Variants in UHRF1 observed in about 807,000 individuals in gnomAD.
The protein encoded by UHRF1 is E3 ubiquitin-protein ligase UHRF1.
A neutral mutation model predicts 96.5 loss-of-function variants in UHRF1; 9 were observed. That is an observed-to-expected ratio of 0.09 (90% CI 0.06 to 0.16). UHRF1 has a LOEUF of 0.16. Ranked by LOEUF, UHRF1 falls within the 10% of genes least tolerant of loss-of-function variation. UHRF1 has a pLI of 1.00. For missense variants in UHRF1, 626 were observed against 1,131.1 expected, an observed-to-expected ratio of 0.55 and a Z score of 6.40; for synonymous variants, 455 against 469.9, an observed-to-expected ratio of 0.97 and a Z score of 0.41.
Position 4,920,162 on chromosome 19 carries a change from C to T in UHRF1, c.154-9060C>T, listed in dbSNP as rs563449072. ...AAGAATAAAAAGAGGCTGGGCGCAG[C>T]GGCTCATGCTTGTAATTTCAGCACT... On this transcript the variant is annotated intron_variant, in intron 2 of 16. Coordinates refer to ENST00000650932, the MANE Select transcript of UHRF1 (RefSeq NM_001048201.3). Among the ~76,000 whole-genome samples, 3 of 152,272 alleles carry T rather than the reference C, an allele frequency of 2.0e-5. 1 individual carries two copies. The highest frequency in any genetic ancestry group is 7.2e-5 in the African/African-American group (3 of 41,574).
chr19:4,939,359 G>T (rs1334337094), intron 5 of UHRF1, among the ~76,000 whole-genome samples: 1 of 148,652 alleles, frequency 6.7e-6, no homozygotes, highest in African/African-American at 2.5e-5. Context: ...ACTATACCCA[G>T]TCTTAGAATA....
chr19:4,949,879 G>GT lies in UHRF1; in HGVS notation c.1518-724dup, dbSNP rs539369563. Among the ~76,000 whole-genome samples, 606 of 151,234 alleles carry GT rather than the reference G, an allele frequency of 4.0e-3. 2 individuals carry two copies. Among genetic ancestry groups the GT allele is most frequent in the South Asian group, 0.011 (52 of 4,768 alleles). ...TTTATATGTGTGTGTGCTTTGTTTT[G>GT]TTTTTTTTGAGGCAGGGTCTCCCTC... On this transcript the variant is annotated intron_variant, in intron 11 of 16. Coordinates refer to ENST00000650932, the MANE Select transcript of UHRF1 (RefSeq NM_001048201.3).
intron 10 of UHRF1, among the ~76,000 whole-genome samples, chr19:4,946,579 G>T (rs959589262): frequency 1.4e-5 from 2 of 145,440 alleles, no homozygotes; most frequent in Middle Eastern, 3.3e-3. Flanking sequence ...GTTGAGTGTT[G>T]TTTTTTTTTT....
At chr19:4,938,747 TTTTTTTTTTTTTTTG>T in intron 5 of UHRF1, among the ~76,000 whole-genome samples, 1 of 131,468 alleles carries the variant, frequency 7.6e-6, no homozygotes, top group African/African-American at 2.9e-5. Flanking sequence ...TTTTTTTTTT[TTTTTTTTTTTTTTTG>T]AGATAAGGTC....
At chr19:4,918,746 G>A (rs1450907415) in intron 2 of UHRF1, among the ~76,000 whole-genome samples, 3 of 139,942 alleles carry the variant, frequency 2.1e-5, no homozygotes, top group Non-Finnish European at 3.1e-5. Context: ...TTTTAGACAG[G>A]CTCTTGCTCT....
upstream of UHRF1, among the ~76,000 whole-genome samples, chr19:4,908,879 T>C (rs1040807762): frequency 6.6e-6 from 1 of 152,066 alleles, no homozygotes; most frequent in African/African-American, 2.4e-5. Flanking sequence ...GTCACTCCTG[T>C]GCCCGCCAGG....
chr19:4,929,876 C>T (rs1038358614), intron 3 of UHRF1, among the ~76,000 whole-genome samples: 1 of 152,104 alleles, frequency 6.6e-6, no homozygotes, highest in Non-Finnish European at 1.5e-5. Context: ...TCACAGCTCA[C>T]TGTAGCCTCG....
chr19:4,907,726 T>C (rs1420664482), upstream of UHRF1, among the ~76,000 whole-genome samples: 1 of 147,872 alleles, frequency 6.8e-6, no homozygotes, highest in Non-Finnish European at 1.5e-5. Context: ...TTTTTTTTTT[T>C]TTTGAGACTG....
intron 4 of UHRF1, among the ~76,000 whole-genome samples, chr19:4,931,159 G>T (rs1199229643): frequency 6.6e-6 from 1 of 152,130 alleles, no homozygotes; most frequent in Non-Finnish European, 1.5e-5. Flanking sequence ...TTCCGGGTTT[G>T]TCATCTCTCC....
chr19:4,936,427 G>A (rs1266830589), intron 5 of UHRF1, among the ~76,000 whole-genome samples: 1 of 152,140 alleles, frequency 6.6e-6, no homozygotes, highest in Admixed American at 6.6e-5. Context: ...CGCGAGGATG[G>A]GTGGCAGAGA....
At chr19:4,955,255 G>A (rs1035374578) in intron 15 of UHRF1, among the ~76,000 whole-genome samples, 2 of 152,202 alleles carry the variant, frequency 1.3e-5, no homozygotes, top group African/African-American at 4.8e-5. Flanking sequence ...TCAGGGCAGG[G>A]ATAGGGCTGG....
intron 2 of UHRF1, among the ~76,000 whole-genome samples, chr19:4,915,316 G>A (rs909659165): frequency 1.4e-4 from 22 of 152,178 alleles, no homozygotes; most frequent in East Asian, 5.8e-4. Flanking sequence ...TAGAGGGCGC[G>A]GCCTCTGTTA....
chr19:4,917,008 G>A (rs1417950910), intron 2 of UHRF1, among the ~76,000 whole-genome samples: 2 of 147,980 alleles, frequency 1.4e-5, no homozygotes, highest in African/African-American at 5.0e-5. Context: ...GCTAGGCAGT[G>A]TTCGGCACCC....
chr19:4,904,003 A>C (rs2059203364), intron 1 of UHRF1, among the ~76,000 whole-genome samples: 1 of 149,228 alleles, frequency 6.7e-6, no homozygotes, highest in South Asian at 2.1e-4. Flanking sequence ...TTGAGGTGGA[A>C]TCTCACTCTG....
At position 4,954,347 on chromosome 19, in the gene UHRF1, A is replaced by G; in HGVS notation, c.1819-3A>G. The G allele has an allele frequency of 6.2e-7, 1 of 1,611,756 alleles. No homozygotes were observed. Among genetic ancestry groups the G allele is most frequent in the Middle Eastern group, 1.9e-4 (1 of 5,212 alleles). On this transcript the variant is annotated splice_region_variant and splice_polypyrimidine_tract_variant and intron_variant, in intron 13 of 16. Transcript: ENST00000650932. The surrounding 1 kb of genome is among the most constrained non-coding windows in gnomAD (Gnocchi z 5.9). Reference sequence around the variant, plus strand: ...CTCACGGCTGTCCCTCTTCCTCCTGAAGTATCCAGAAGGCTACCTGGAAGC... The same window carrying G: ...CTCACGGCTGTCCCTCTTCCTCCTGGAGTATCCAGAAGGCTACCTGGAAGC...
chr19:4,937,018 G>C (rs2033236509), intron 5 of UHRF1, among the ~76,000 whole-genome samples: 1 of 150,792 alleles, frequency 6.6e-6, no homozygotes, highest in African/African-American at 2.4e-5. Flanking sequence ...CCTGGTCCCT[G>C]ACCCCCGGCA....
At chr19:4,937,690 A>G (rs1047418949) in intron 5 of UHRF1, among the ~76,000 whole-genome samples, 2 of 152,158 alleles carry the variant, frequency 1.3e-5, no homozygotes, top group Non-Finnish European at 2.9e-5. Context: ...GAGTAAGTTA[A>G]TAAGAAACAG....
intron 5 of UHRF1, among the ~76,000 whole-genome samples, chr19:4,937,327 A>C (rs1244722150): frequency 7.8e-6 from 1 of 128,306 alleles, no homozygotes; most frequent in East Asian, 2.1e-4. Flanking sequence ...GACCCATTGG[A>C]TATCTGAGCT....
At chr19:4,910,714 TG>T in intron 1 of UHRF1, 161 bp from the exon 2 acceptor site, 1 of 684,774 alleles carries the variant, frequency 1.5e-6, no homozygotes, top group Non-Finnish European at 2.3e-6. Flanking sequence ...TTGTTGTGTC[TG>T]GTCCTGGCCA....
Sources: gnomAD v4.1 joint callset for allele counts (sites outside exome capture counted in the v4.1 genomes callset) on GRCh38, gnomAD v4.1.1 for gene constraint, Gnocchi (gnomAD v3.1) non-coding constraint, MANE v1.5 for transcripts, NCBI Gene and HGNC (gene_info 2026-07-23, HGNC 2026-07-21) for gene names.